The following CALCR variants were observed in gnomAD, a reference collection of about 807,000 sequenced individuals.
The protein encoded by CALCR is calcitonin receptor.
A neutral mutation model predicts 59.5 loss-of-function variants in CALCR; 47 were observed. The observed-to-expected ratio is 0.79, with a 90% CI of 0.63 to 1.01. The LOEUF is 1.01. Ranked by LOEUF, CALCR falls within the 50% of genes least tolerant of loss-of-function variation. The pLI is 0.00. For missense variants in CALCR, 566 were observed against 597.1 expected (o/e 0.95, Z 0.54); for synonymous variants, 213 against 211.3 (o/e 1.01, Z -0.07).
At chr7:93,504,768 T>C (rs1036390118) in intron 2 of CALCR, among the ~76,000 whole-genome samples, 2 of 152,142 alleles carry the variant, frequency 1.3e-5, no homozygotes, top group African/African-American at 2.4e-5. Context: ...TCTGTCCAGT[T>C]AATCTTTTCT....
At chr7:93,522,478 T>G (rs1425707869) in intron 2 of CALCR, among the ~76,000 whole-genome samples, 1 of 152,180 alleles carries the variant, frequency 6.6e-6, no homozygotes, top group Non-Finnish European at 1.5e-5. Flanking sequence ...TTCACGTACC[T>G]ACCTGTCTAC....
intron 2 of CALCR, among the ~76,000 whole-genome samples, chr7:93,551,345 T>C (rs759319770): frequency 2.6e-4 from 39 of 152,232 alleles, no homozygotes; most frequent in Non-Finnish European, 5.1e-4. Context: ...TTGTCAGGGA[T>C]GAAGCTCTGG....
chr7:93,574,504 T>C lies in CALCR; in HGVS notation c.-242A>G, dbSNP rs536391605. 7.2e-5 allele frequency: 11 copies of C among 152,200 alleles called. No homozygotes were observed. Among genetic ancestry groups the C allele is most frequent in the African/African-American group, 2.4e-4 (10 of 41,446 alleles). The allele number at this position is 152,200 out of a possible 1,614,324, so 9.4% of individuals were successfully genotyped here. ...CCACCCAGACGCTGGTGGGCTGGCT[T>C]TCCTAGTTTGATGCGAGAGCAAACT... is the stretch of plus-strand genomic sequence containing the variant. On this transcript the variant is annotated splice_region_variant and 5_prime_UTR_variant, in exon 2 of 14. Transcript: ENST00000426151.
intron 9 of CALCR, among the ~76,000 whole-genome samples, chr7:93,442,200 T>C (rs1235436700): frequency 6.6e-6 from 1 of 152,198 alleles, no homozygotes; most frequent in Admixed American, 6.5e-5. Flanking sequence ...TGCCTGGCTA[T>C]ATTTCTGCCC....
At chr7:93,434,557 G>A (rs953940051) in intron 12 of CALCR, among the ~76,000 whole-genome samples, 1 of 151,570 alleles carries the variant, frequency 6.6e-6, no homozygotes, top group Admixed American at 6.6e-5. Flanking sequence ...CTTTAACATG[G>A]AGATTTATAG....
intron 2 of CALCR, among the ~76,000 whole-genome samples, chr7:93,500,019 G>T (rs1202566734): frequency 6.6e-6 from 1 of 151,764 alleles, no homozygotes; most frequent in Non-Finnish European, 1.5e-5. Flanking sequence ...GATGAAACTG[G>T]AAGGGATCTT....
At chr7:93,516,599 G>A (rs17165531) in intron 2 of CALCR, among the ~76,000 whole-genome samples, 19,431 of 151,680 alleles carry the variant, frequency 0.13, 2,701 homozygotes, top group African/African-American at 0.33. Context: ...CAAAAAGGAG[G>A]CTAGGAACCA....
At chr7:93,491,709 T>G (rs1801081452) in intron 2 of CALCR, among the ~76,000 whole-genome samples, 1 of 152,008 alleles carries the variant, frequency 6.6e-6, no homozygotes, top group African/African-American at 2.4e-5. Flanking sequence ...AGATACCATG[T>G]CACACCGGTC....
At chr7:93,513,718 T>C (rs1801596253) in intron 2 of CALCR, among the ~76,000 whole-genome samples, 1 of 152,050 alleles carries the variant, frequency 6.6e-6, no homozygotes, top group East Asian at 1.9e-4. Context: ...GCAGTGTTAA[T>C]GTGATCTTCA....
chr7:93,548,149 C>T (rs1029099609), intron 2 of CALCR, among the ~76,000 whole-genome samples: 2 of 152,120 alleles, frequency 1.3e-5, no homozygotes, highest in Non-Finnish European at 2.9e-5. Flanking sequence ...CTGAGGTGTG[C>T]GGAGCTCTCT....
At chr7:93,434,327 A>C (rs1799725842) in intron 12 of CALCR, 33 bp from the exon 13 acceptor site, 2 of 1,524,140 alleles carry the variant, frequency 1.3e-6, no homozygotes, top group Middle Eastern at 3.4e-4. Flanking sequence ...AGTTGAAGTT[A>C]TTTTTGTGTG....
intron 7 of CALCR, chr7:93,462,141 G>A (rs761200985): frequency 1.3e-5 from 16 of 1,246,516 alleles, no homozygotes; most frequent in Admixed American, 2.2e-5. Context: ...AGTAATAAAG[G>A]CAGCTGTTAG....
intron 2 of CALCR, among the ~76,000 whole-genome samples, chr7:93,564,220 G>A (rs200715777): frequency 2.6e-5 from 4 of 152,194 alleles, no homozygotes; most frequent in African/African-American, 9.6e-5. Context: ...ACCAGAAAGA[G>A]AGCACTTTGG....
At chr7:93,533,192 G>C (rs1788893282) in intron 2 of CALCR, among the ~76,000 whole-genome samples, 1 of 151,738 alleles carries the variant, frequency 6.6e-6, no homozygotes, top group Non-Finnish European at 1.5e-5. Context: ...ACATCATTTT[G>C]CTTAAAGTCA....
In CALCR at chr7:93,436,142, A is replaced by T; in HGVS notation, c.959T>A (p.Val320Asp). ...VVNFFFLLNI[V>D]RVLVTKMRET... Reference sequence around the variant, plus strand: ...CCTCATTTTGGTCACAAGCACCCGGACAATGTTGAGCAAAAAGAAGAAATT... The same window carrying T: ...CCTCATTTTGGTCACAAGCACCCGGTCAATGTTGAGCAAAAAGAAGAAATT... Residue 320 changes from valine (V) to aspartate (D), a missense_variant, in exon 12 of 14, where the codon GTC becomes GAC. Coordinates refer to ENST00000426151, the MANE Select transcript of CALCR (RefSeq NM_001742.4). 1 of 1,614,132 alleles carries T rather than the reference A, an allele frequency of 6.2e-7. No individual in the cohort carries two copies. Among genetic ancestry groups the T allele is most frequent in the Non-Finnish European group, 8.5e-7 (1 of 1,179,968 alleles).
chr7:93,436,274 C>T, intron 11 of CALCR, 104 bp from the exon 12 acceptor site: 1 of 882,268 alleles, frequency 1.1e-6, no homozygotes, highest in Non-Finnish European at 1.8e-6. Flanking sequence ...CAAATGTTAC[C>T]TACATAGAAC....
chr7:93,475,908 A>G lies in CALCR; in HGVS notation c.316+1650T>C, dbSNP rs191065447. On this transcript the variant is annotated intron_variant, in intron 5 of 13. Coordinates refer to ENST00000426151, the MANE Select transcript of CALCR (RefSeq NM_001742.4). ...CTCTCCACATGTGCTTTGATAATTGATATTTCTCTCTAAAATACTCTATGT... is the reference window on the plus strand; with the variant it reads ...CTCTCCACATGTGCTTTGATAATTGGTATTTCTCTCTAAAATACTCTATGT... 3.1e-3 allele frequency among the ~76,000 whole-genome samples: 473 copies of G among 151,912 alleles called. 2 individuals carry two copies. The highest frequency in any genetic ancestry group is 2.2e-3 in the Non-Finnish European group (146 of 67,854).
At chr7:93,438,153 T>A in intron 10 of CALCR, 27 bp from the exon 11 acceptor site, 1 of 1,613,170 alleles carries the variant, frequency 6.2e-7, no homozygotes, top group Non-Finnish European at 8.5e-7. Context: ...GGACAATTAA[T>A]ACACAAATAC....
At chr7:93,553,171 G>A (rs1789510158) in intron 2 of CALCR, among the ~76,000 whole-genome samples, 1 of 152,124 alleles carries the variant, frequency 6.6e-6, no homozygotes, top group Non-Finnish European at 1.5e-5. Context: ...TTCACCCATG[G>A]TGGAGATATT....
Sources: gnomAD v4.1 joint callset for allele counts (sites outside exome capture counted in the v4.1 genomes callset) on GRCh38, gnomAD v4.1.1 for gene constraint, MANE v1.5 for transcripts, NCBI Gene and HGNC (gene_info 2026-07-23, HGNC 2026-07-21) for gene names.